The following LRRFIP2 variants were observed in gnomAD, a reference collection of about 807,000 sequenced individuals.
LRRFIP2 encodes leucine-rich repeat flightless-interacting protein 2.
In LRRFIP2, 109 loss-of-function variants were observed where a neutral mutation model predicts 125.9. That is an observed-to-expected ratio of 0.87 (90% CI 0.74 to 1.01). The LOEUF (loss-of-function observed/expected upper bound fraction) is 1.01, where lower values mean the gene tolerates loss of function less well. Among genes scored for constraint, LRRFIP2 ranks in the 50% least tolerant of loss-of-function variants. LRRFIP2 has a pLI of 0.00. For missense variants in LRRFIP2, 850 were observed against 862.3 expected, an observed-to-expected ratio of 0.99 and a Z score of 0.18; for synonymous variants, 291 against 293.1, an observed-to-expected ratio of 0.99 and a Z score of 0.07.
At chr3:37,056,641 G>T (rs1479925641) in intron 25 of LRRFIP2, among the ~76,000 whole-genome samples, 1 of 152,006 alleles carries the variant, frequency 6.6e-6, no homozygotes, top group Non-Finnish European at 1.5e-5. Context: ...TTTTAGTAGA[G>T]ACGGGGTTTC....
At chr3:37,163,455 CCT>C (rs562788726) in intron 1 of LRRFIP2, among the ~76,000 whole-genome samples, 60 of 152,228 alleles carry the variant, frequency 3.9e-4, no homozygotes, top group Non-Finnish European at 7.2e-4. Flanking sequence ...TACCACAGTC[CCT>C]CTCTTTGTCC....
intron 25 of LRRFIP2, among the ~76,000 whole-genome samples, chr3:37,057,954 G>T (rs934127974): frequency 2.0e-5 from 3 of 152,122 alleles, no homozygotes; most frequent in African/African-American, 7.2e-5. Context: ...GAATAGAATA[G>T]ACTTTATTTT....
intron 18 of LRRFIP2, among the ~76,000 whole-genome samples, chr3:37,088,514 A>C (rs1431219430): frequency 1.3e-5 from 2 of 151,942 alleles, no homozygotes; most frequent in East Asian, 3.9e-4. Context: ...GCATTTAAAA[A>C]AAAAAAAAAG....
intron 4 of LRRFIP2, among the ~76,000 whole-genome samples, chr3:37,124,640 G>C (rs1360700677): frequency 6.6e-6 from 1 of 152,078 alleles, no homozygotes; most frequent in Non-Finnish European, 1.5e-5. Context: ...GAATCTATGA[G>C]ATCATAAAGC....
At chr3:37,122,490 T>C (rs1219633291) in intron 4 of LRRFIP2, among the ~76,000 whole-genome samples, 1 of 152,146 alleles carries the variant, frequency 6.6e-6, no homozygotes, top group African/African-American at 2.4e-5. Context: ...ATTAATCTAT[T>C]TTTTCATTGT....
chr3:37,148,160 G>A (rs894282746), intron 2 of LRRFIP2, among the ~76,000 whole-genome samples: 19 of 151,970 alleles, frequency 1.3e-4, no homozygotes, highest in African/African-American at 3.9e-4. Context: ...GTTTACATTC[G>A]AAAGATTAAT....
intron 11 of LRRFIP2, 135 bp from the exon 12 acceptor site, chr3:37,108,819 C>A (rs2094446157): frequency 6.5e-6 from 4 of 612,982 alleles, no homozygotes; most frequent in Non-Finnish European, 2.8e-6. Context: ...AGAATGAAAA[C>A]CCTGAAGGCG....
At chr3:37,167,867 C>G (rs1436524515) in intron 1 of LRRFIP2, among the ~76,000 whole-genome samples, 1 of 151,850 alleles carries the variant, frequency 6.6e-6, no homozygotes, top group Non-Finnish European at 1.5e-5. Flanking sequence ...CCCAGCTACT[C>G]GAGAGACTGA....
intron 1 of LRRFIP2, among the ~76,000 whole-genome samples, chr3:37,168,834 C>T (rs1425679325): frequency 1.3e-5 from 2 of 152,170 alleles, no homozygotes; most frequent in African/African-American, 4.8e-5. Flanking sequence ...AGTGCCTATT[C>T]ATAGATGTGC....
intron 15 of LRRFIP2, among the ~76,000 whole-genome samples, chr3:37,097,417 C>G (rs2093778320): frequency 6.6e-6 from 1 of 152,138 alleles, no homozygotes; most frequent in South Asian, 2.1e-4. Context: ...TTATCACTCC[C>G]TGACACTACG....
Position 37,105,448 on chromosome 3 carries a change from T to C in LRRFIP2, c.783+7A>G. 1.2e-6 allele frequency: 2 copies of C among 1,612,638 alleles called. No homozygotes were observed. The highest frequency in any genetic ancestry group is 1.7e-6 in the Non-Finnish European group (2 of 1,178,650). On this transcript the variant is annotated splice_region_variant and intron_variant, in intron 14 of 27. Coordinates refer to ENST00000336686, the MANE Select transcript of LRRFIP2 (RefSeq NM_006309.4). ...ATCTTATTTCTTTGCATGCAAATCA[T>C]GCTCACCACACTCTCCCTTCGTCCA...
At chr3:37,081,492 AAAGG>A (rs774615904) in intron 19 of LRRFIP2, among the ~76,000 whole-genome samples, 69 of 152,280 alleles carry the variant, frequency 4.5e-4, no homozygotes, top group Non-Finnish European at 8.5e-4. Context: ...AGCTCGGAGT[AAAGG>A]TATGTTAGAA....
At chr3:37,157,090 T>C (rs1020458767) in intron 1 of LRRFIP2, among the ~76,000 whole-genome samples, 3 of 151,618 alleles carry the variant, frequency 2.0e-5, no homozygotes, top group Non-Finnish European at 2.9e-5. Context: ...GATTGCACCA[T>C]TGGACTCCAG....
chr3:37,065,380 TGTG>T (rs905837220), intron 23 of LRRFIP2: 24 of 316,876 alleles, frequency 7.6e-5, no homozygotes, highest in African/African-American at 4.9e-4. Flanking sequence ...GCTTAAGAAA[TGTG>T]GTGGAAAAGA....
intron 1 of LRRFIP2, among the ~76,000 whole-genome samples, chr3:37,169,612 A>G (rs2096557550): frequency 6.6e-6 from 1 of 152,240 alleles, no homozygotes; most frequent in African/African-American, 2.4e-5. Context: ...TCTAACTTAC[A>G]AAACAGAAAG....
chr3:37,170,770 T>G (rs1281347446), intron 1 of LRRFIP2: 2 of 152,206 alleles, frequency 1.3e-5, no homozygotes, highest in South Asian at 2.1e-4. Flanking sequence ...CTTGTGCACC[T>G]TTTTCTAAAA....
At chr3:37,167,396 C>A (rs1438032319) in intron 1 of LRRFIP2, among the ~76,000 whole-genome samples, 1 of 152,036 alleles carries the variant, frequency 6.6e-6, no homozygotes, top group Non-Finnish European at 1.5e-5. Context: ...TGGCTCACGC[C>A]TGTAATCCCA....
rs546659175 is a variant in LRRFIP2 at position 37,135,019 on chromosome 3, G to A, written c.91-5870C>T. On this transcript the variant is annotated intron_variant, in intron 2 of 27. Transcript: ENST00000336686. ...ATCCAAACCCAGATGACCCCCTAGT[G>A]CCAGAGAGCACACGGATCCATAAAA... 5.3e-6 allele frequency: 8 copies of A among 1,498,986 alleles called. No homozygotes were observed. In the Admixed American group the frequency reaches 1.2e-4, roughly 22 times the overall value. 92.9% of individuals were successfully genotyped at this position (1,498,986 alleles called of 1,614,324 possible).
chr3:37,063,836 A>ACC, intron 23 of LRRFIP2, 45 bp from the exon 24 acceptor site: 1 of 1,438,126 alleles, frequency 7.0e-7, no homozygotes, highest in Non-Finnish European at 9.8e-7. Context: ...GTGATGATAT[A>ACC]GTACATAAAC....
Sources: gnomAD v4.1 joint callset for allele counts (sites outside exome capture counted in the v4.1 genomes callset) on GRCh38, gnomAD v4.1.1 for gene constraint, MANE v1.5 for transcripts, NCBI Gene and HGNC (gene_info 2026-07-23, HGNC 2026-07-21) for gene names.